The following CTCF variants were observed in gnomAD, a reference collection of about 807,000 sequenced individuals.
The protein encoded by CTCF is CCCTC-binding factor, also known as transcriptional repressor CTCF.
CTCF carries 7 observed loss-of-function variants against 72.3 expected under a neutral mutation model. The observed-to-expected ratio is 0.10, with a 90% confidence interval of 0.06 to 0.18. The LOEUF (loss-of-function observed/expected upper bound fraction) is 0.18, where lower values mean the gene tolerates loss of function less well. CTCF is among the 10% of genes least tolerant of loss of function. The probability of loss-of-function intolerance (pLI) is 1.00; values close to 1 mark genes in which losing one functional copy is unlikely to be tolerated. For missense variants in CTCF, 516 were observed against 949.1 expected, an observed-to-expected ratio of 0.54 and a Z score of 6.00; for synonymous variants, 374 against 315.8, an observed-to-expected ratio of 1.18 and a Z score of -1.95.
intron 10 of CTCF, among the ~76,000 whole-genome samples, chr16:67,634,066 T>A (rs1337965884): frequency 1.3e-5 from 2 of 152,230 alleles, no homozygotes; most frequent in Non-Finnish European, 2.9e-5. Context: ...CTGTAATACC[T>A]GTTTATTATA....
intron 2 of CTCF, among the ~76,000 whole-genome samples, chr16:67,584,624 C>T (rs1166790576): frequency 6.6e-6 from 1 of 151,850 alleles, no homozygotes; most frequent in African/African-American, 2.4e-5. Flanking sequence ...CCGCATCTGG[C>T]CAGTCTTCTT....
At position 67,611,330 on chromosome 16, in the gene CTCF, G is replaced by A. The variant is rs763743813; in HGVS notation, c.498G>A (p.Val166=). ...TACCTTTGCCTGAAGGGTTTCAGGTGGTTAAAGTGGGGGCCAATGGAGAGG... is the reference window on the plus strand; with the variant it reads ...TACCTTTGCCTGAAGGGTTTCAGGTAGTTAAAGTGGGGGCCAATGGAGAGG... The part of the protein sequence containing the change: ...HTLPLPEGFQ[V]VKVGANGEVE... The change falls in exon 3 of 12, where the codon GTG becomes GTA. Residue 166 remains valine, a synonymous_variant. Transcript: ENST00000264010. 9.3e-6 allele frequency: 15 copies of A among 1,614,104 alleles called. No individual in the cohort carries two copies. The highest frequency in any genetic ancestry group is 1.3e-5 in the Non-Finnish European group (15 of 1,180,006).
Position 67,636,764 on chromosome 16 carries a change from C to T in CTCF, c.1912C>T (p.Pro638Ser). Residue 638 changes from proline (P) to serine (S), a missense_variant, in exon 11 of 12, where the codon CCT becomes TCT. Transcript: ENST00000264010. ...CGTAGAAATTGAACCTGAGCCAGAG[C>T]CTCAGCCTGTGACCCCAGCCCCACC... is the stretch of plus-strand genomic sequence containing the variant. Reference protein sequence around the residue: ...PAVEIEPEPEPQPVTPAPPPA... With the variant: ...PAVEIEPEPESQPVTPAPPPA... 6.2e-7 allele frequency: 1 copy of T among 1,607,572 alleles called. No individual in the cohort carries two copies. The highest frequency in any genetic ancestry group is 8.5e-7 in the Non-Finnish European group (1 of 1,177,008).
chr16:67,621,719 T>G (rs1381682039), intron 7 of CTCF, 128 bp downstream of exon 7: 1 of 614,120 alleles, frequency 1.6e-6, no homozygotes, highest in African/African-American at 1.8e-5. Context: ...GGCCTGTCAC[T>G]TAGTTTAGTA....
At chr16:67,631,176 T>G (rs564794831) in intron 10 of CTCF, among the ~76,000 whole-genome samples, 4,183 of 148,542 alleles carry the variant, frequency 0.028, 145 homozygotes, top group African/African-American at 0.06. Context: ...TTTTTTGTTT[T>G]TTTTTTGAGA....
At chr16:67,603,548 G>T (rs1027439170) in intron 2 of CTCF, among the ~76,000 whole-genome samples, 8 of 150,864 alleles carry the variant, frequency 5.3e-5, no homozygotes, top group Admixed American at 2.6e-4. Context: ...AAAAAGGCTG[G>T]GTGTGGTGGC....
intron 2 of CTCF, among the ~76,000 whole-genome samples, chr16:67,582,326 T>G (rs1328074789): frequency 1.3e-5 from 2 of 152,164 alleles, no homozygotes; most frequent in African/African-American, 4.8e-5. Context: ...GGCATAGCAG[T>G]CCTTGTTTGC....
chr16:67,610,922 A>G lies in CTCF; in HGVS notation c.90A>G (p.Glu30=). 1 of 1,546,300 alleles carries G rather than the reference A, an allele frequency of 6.5e-7. No individual in the cohort carries two copies. ...GAAAGACTTACCAGAGACGCCGGGAAGGGGGCCAGGAAGAAGATGCCTGCC... is the reference window on the plus strand; with the variant it reads ...GAAAGACTTACCAGAGACGCCGGGAGGGGGGCCAGGAAGAAGATGCCTGCC... ...KERKTYQRRR[E]GGQEEDACHL... Residue 30 remains glutamate, a synonymous_variant, in exon 3 of 12, where the codon GAA becomes GAG. Coordinates refer to ENST00000264010, the MANE Select transcript of CTCF (RefSeq NM_006565.4).
chr16:67,570,056 T>C (rs1454153079), intron 1 of CTCF, among the ~76,000 whole-genome samples: 1 of 151,498 alleles, frequency 6.6e-6, no homozygotes. Flanking sequence ...AGAGAGCCAT[T>C]ACTGCAGCCA....
Position 67,626,669 on chromosome 16 carries a change from A to G in CTCF, c.1472A>G (p.Asn491Ser). ...ATCCAGCATCAGAAGTCACACAAGAATGAGAAGCGCTTTAAGTGTGACCAG... is the reference window on the plus strand; with the variant it reads ...ATCCAGCATCAGAAGTCACACAAGAGTGAGAAGCGCTTTAAGTGTGACCAG... ...ALIQHQKSHK[N>S]EKRFKCDQCD... The change falls in exon 8 of 12, where the codon AAT becomes AGT. Residue 491 changes from asparagine (N) to serine (S), a missense_variant. Asn to Ser is a conservative substitution (Grantham distance 46). Transcript: ENST00000264010. 6.4e-7 allele frequency: 1 copy of G among 1,561,166 alleles called. No individual in the cohort carries two copies. Among genetic ancestry groups the G allele is most frequent in the Non-Finnish European group, 8.7e-7 (1 of 1,152,398 alleles).
chr16:67,631,150 G>GTTTTTTTTTTTTTTTTTT (rs1472086135), intron 10 of CTCF, among the ~76,000 whole-genome samples: 2 of 132,534 alleles, frequency 1.5e-5, no homozygotes, highest in Admixed American at 7.1e-5. Flanking sequence ...TTTGTTCTTT[G>GTTTTTTTTTTTTTTTTTT]TTTGTTTTTT....
At chr16:67,592,227 C>T (rs1447004268) in intron 2 of CTCF, among the ~76,000 whole-genome samples, 1 of 152,008 alleles carries the variant, frequency 6.6e-6, no homozygotes, top group African/African-American at 2.4e-5. Flanking sequence ...GCCTGGCCAA[C>T]ATAGTGAAAC....
At chr16:67,624,117 ATG>A (rs1207947513) in intron 7 of CTCF, among the ~76,000 whole-genome samples, 1 of 92,528 alleles carries the variant, frequency 1.1e-5, no homozygotes, top group Non-Finnish European at 2.2e-5. Context: ...GTGTGTGTGT[ATG>A]TGTGTGTATA....
chr16:67,577,279 T>C (rs562609731), intron 2 of CTCF, among the ~76,000 whole-genome samples: 7 of 147,058 alleles, frequency 4.8e-5, no homozygotes, highest in African/African-American at 1.8e-4. Context: ...TAGCCAGGCA[T>C]GGTGGCGGGC....
At chr16:67,596,798 G>A (rs540472246) in intron 2 of CTCF, among the ~76,000 whole-genome samples, 2 of 152,112 alleles carry the variant, frequency 1.3e-5, no homozygotes, top group East Asian at 3.9e-4. Context: ...GTGTTGGCCA[G>A]ACTGGTCTCA....
At chr16:67,618,087 C>G (rs576855787) in intron 5 of CTCF, among the ~76,000 whole-genome samples, 1 of 152,196 alleles carries the variant, frequency 6.6e-6, no homozygotes, top group Admixed American at 6.6e-5. Context: ...TAGCAAGTTA[C>G]GTATAGGAGA....
intron 2 of CTCF, among the ~76,000 whole-genome samples, chr16:67,584,334 C>CGTCTTTTTTTTTTTTTTTTTTT (rs1567596519): frequency 1.6e-5 from 2 of 121,928 alleles, no homozygotes; most frequent in African/African-American, 7.3e-5. Flanking sequence ...AAAAAAAAGT[C>CGTCTTTTTTTTTTTTTTTTTTT]TTCTTTTTTT....
intron 5 of CTCF, among the ~76,000 whole-genome samples, chr16:67,619,015 T>C (rs1251870775): frequency 6.6e-6 from 1 of 152,234 alleles, no homozygotes; most frequent in Non-Finnish European, 1.5e-5. Context: ...AGATAGCTCA[T>C]TGGAACAGAG....
chr16:67,578,064 T>TAATAA (rs1382188109), intron 2 of CTCF, among the ~76,000 whole-genome samples: 9 of 152,184 alleles, frequency 5.9e-5, no homozygotes, highest in African/African-American at 2.2e-4. Context: ...ACTTTGCACT[T>TAATAA]TTATTAACAG....
Sources: allele counts gnomAD v4.1 joint callset (sites outside exome capture counted in the v4.1 genomes callset), GRCh38; gene constraint gnomAD v4.1.1; transcripts MANE v1.5; gene names NCBI Gene and HGNC (gene_info 2026-07-23, HGNC 2026-07-21).